Variants in UNC13C observed in about 807,000 individuals in gnomAD.
UNC13C encodes unc-13 homolog C, also known as protein unc-13 homolog C.
UNC13C carries 174 observed loss-of-function variants against 245.4 expected under a neutral mutation model. The observed-to-expected ratio is 0.71, with a 90% CI of 0.63 to 0.80. The LOEUF is 0.80. Ranked by LOEUF, UNC13C falls within the 30% of genes least tolerant of loss-of-function variation. The pLI, the probability that UNC13C is intolerant of heterozygous loss-of-function variation, is 0.00. For synonymous variants in UNC13C, 992 were observed against 895.1 expected, an observed-to-expected ratio of 1.11 and a Z score of -1.93; for missense variants, 2,829 against 2,602.9, an observed-to-expected ratio of 1.09 and a Z score of -1.89.
chr15:54,015,901 A>G lies in UNC13C; in HGVS notation c.2983+15A>G. On this transcript the variant is annotated intron_variant, in intron 2 of 32. Transcript: ENST00000260323. Reference sequence around the variant, plus strand: ...CTTGGCTGGAGGTATTCATGTTTAAATGCTACATTGTGAGCTAATTGTGTT... The same window carrying G: ...CTTGGCTGGAGGTATTCATGTTTAAGTGCTACATTGTGAGCTAATTGTGTT... 2.6e-6 allele frequency: 4 copies of G among 1,542,080 alleles called. No homozygotes were observed. In the South Asian group the frequency reaches 3.8e-5, roughly 15 times the overall value.
chr15:54,580,462 C>T (rs1182976262), intron 30 of UNC13C, among the ~76,000 whole-genome samples: 9 of 152,120 alleles, frequency 5.9e-5, no homozygotes, highest in Non-Finnish European at 8.8e-5. Flanking sequence ...GCAAGAAATG[C>T]GAAAACAGGT....
intron 1 of UNC13C, among the ~76,000 whole-genome samples, chr15:54,010,301 G>A (rs1392621116): frequency 6.6e-6 from 1 of 152,144 alleles, no homozygotes. Context: ...AGATAGGAGA[G>A]GCAGACATGC....
rs117533552 is a variant in UNC13C at position 54,199,619 on chromosome 15, T to A, written c.3072-35411T>A. ...CTTCACAAATGAAAGAAAGATACAG[T>A]CTCTTCCAGACAAACAAATGCTGAC... On this transcript the variant is annotated intron_variant, in intron 4 of 32. Transcript: ENST00000260323. Among the ~76,000 whole-genome samples the A allele has an allele frequency of 6.0e-3, 912 of 152,148 alleles. 51 individuals are homozygous for A. The East Asian group carries it at 0.11, about 18-fold the overall frequency.
chr15:54,191,503 A>G (rs141403905), intron 4 of UNC13C, among the ~76,000 whole-genome samples: 5,496 of 152,316 alleles, frequency 0.036, 143 homozygotes, highest in Non-Finnish European at 0.057. Flanking sequence ...CAGTGCTGCA[A>G]TAAACATACG....
At chr15:54,424,251 A>G (rs2040712063) in intron 19 of UNC13C, among the ~76,000 whole-genome samples, 1 of 151,892 alleles carries the variant, frequency 6.6e-6, no homozygotes, top group Non-Finnish European at 1.5e-5. Flanking sequence ...CGGTAAAAAA[A>G]TCTGTGACTT....
chr15:54,407,935 C>T (rs529534115), intron 18 of UNC13C, among the ~76,000 whole-genome samples: 14 of 152,106 alleles, frequency 9.2e-5, no homozygotes, highest in East Asian at 5.8e-4. Context: ...GGTGCGGTGG[C>T]TCACACCTGT....
chr15:53,985,992 G>C (rs369112663), intron 1 of UNC13C, among the ~76,000 whole-genome samples: 1 of 151,964 alleles, frequency 6.6e-6, no homozygotes, highest in South Asian at 2.1e-4. Flanking sequence ...TGTGGGTCCT[G>C]CTTGATGGCA....
chr15:54,315,838 C>T (rs1412612030), intron 13 of UNC13C, among the ~76,000 whole-genome samples: 1 of 151,780 alleles, frequency 6.6e-6, no homozygotes. Flanking sequence ...TTTTCTCTTC[C>T]CCATCCTGCT....
At position 54,332,121 on chromosome 15, in the gene UNC13C, A is replaced by C. The variant is rs1304329844; in HGVS notation, c.4494+10A>C. The C allele has an allele frequency of 1.3e-6, 2 of 1,530,298 alleles. No homozygotes were observed. Among genetic ancestry groups the C allele is most frequent in the Admixed American group, 2.1e-5 (1 of 47,350 alleles). The allele number at this position is 1,530,298 out of a possible 1,614,324, so 94.8% of individuals were successfully genotyped here. ...TCTGTCAAAGTATAGGGTATGTACA[A>C]ATTTACTTGCCTAAAAGAAAACTGT... On this transcript the variant is annotated intron_variant, in intron 15 of 32. Transcript: ENST00000260323.
At position 54,430,095 on chromosome 15, in the gene UNC13C, C is replaced by T. The variant is rs1369928655; in HGVS notation, c.4933+15028C>T. 5.9e-5 allele frequency among the ~76,000 whole-genome samples: 9 copies of T among 151,604 alleles called. No individual in the cohort carries two copies. The East Asian group carries it at 1.8e-3, about 30-fold the overall frequency. On this transcript the variant is annotated intron_variant, in intron 19 of 32. Coordinates refer to ENST00000260323, the MANE Select transcript of UNC13C (RefSeq NM_001080534.3). ...TACATTCAGCATTTTTTTAATTTAA[C>T]CCTAAGATAACCTCTAATCTAATAG... is the stretch of plus-strand genomic sequence containing the variant.
chr15:53,952,910 T>A, the UNC13C span, among the ~76,000 whole-genome samples: 1 of 152,066 alleles, frequency 6.6e-6, no homozygotes, highest in East Asian at 1.9e-4. Flanking sequence ...AGTGTCTAAT[T>A]TTTTTTTCCC....
rs533773257 is a variant in UNC13C at position 54,573,412 on chromosome 15, G to A, written c.6106+5465G>A. On this transcript the variant is annotated intron_variant, in intron 30 of 32. Transcript: ENST00000260323. ...AGTCTTCTCTCTCTGTTCCAAACAT[G>A]GAAAATAAACAAATCCAAAATGGAT... Among the ~76,000 whole-genome samples the A allele has an allele frequency of 2.0e-3, 298 of 152,254 alleles. 1 individual carries two copies. The highest frequency in any genetic ancestry group is 6.9e-3 in the African/African-American group (287 of 41,544).
the UNC13C span, among the ~76,000 whole-genome samples, chr15:53,861,339 T>C: frequency 6.6e-6 from 1 of 152,182 alleles, no homozygotes; most frequent in African/African-American, 2.4e-5. Flanking sequence ...AAGGATATAA[T>C]TGGAAACTTT....
chr15:54,210,086 G>T (rs889681706), intron 4 of UNC13C, among the ~76,000 whole-genome samples: 2 of 151,146 alleles, frequency 1.3e-5, no homozygotes, highest in Non-Finnish European at 2.9e-5. Flanking sequence ...TACTTGAAAA[G>T]TTATTGTCAG....
intron 7 of UNC13C, among the ~76,000 whole-genome samples, chr15:54,240,901 G>T (rs1176747480): frequency 6.6e-6 from 1 of 152,132 alleles, no homozygotes; most frequent in African/African-American, 2.4e-5. Flanking sequence ...ATATCCATTC[G>T]GTAATTCAAT....
At chr15:54,308,975 C>T (rs926481868) in intron 13 of UNC13C, among the ~76,000 whole-genome samples, 15 of 151,766 alleles carry the variant, frequency 9.9e-5, no homozygotes, top group African/African-American at 1.7e-4. Context: ...TATGGGTGTG[C>T]GGATATTTCT....
rs1021153629 is a variant in UNC13C, at chr15:54,013,534, A to G, written c.631A>G (p.Ser211Gly). The G allele has an allele frequency of 5.0e-6, 8 of 1,613,828 alleles. No homozygotes were observed. Among genetic ancestry groups the G allele is most frequent in the Middle Eastern group, 1.6e-4 (1 of 6,082 alleles). Residue 211 changes from serine (S) to glycine (G), a missense_variant, in exon 2 of 33, where the codon AGT (serine) becomes GGT (glycine). Transcript: ENST00000260323. The stretch of plus-strand genomic sequence containing the variant: ...CATGAAAAAATCCTGGGGAATAAGA[A>G]GTAAGTCTTTGGACAGAACTGTCCG... The part of the protein sequence containing the change: ...STMKKSWGIR[S>G]KSLDRTVRNP...
chr15:54,599,864 C>T (rs1274737468), intron 30 of UNC13C, among the ~76,000 whole-genome samples: 1 of 152,134 alleles, frequency 6.6e-6, no homozygotes, highest in Non-Finnish European at 1.5e-5. Context: ...TCTCCTCACT[C>T]TTCTTTCTCT....
intron 19 of UNC13C, among the ~76,000 whole-genome samples, chr15:54,435,805 G>GTTGCAAA (rs1347262925): frequency 1.3e-5 from 2 of 151,348 alleles, no homozygotes; most frequent in African/African-American, 4.8e-5. Context: ...TACAGAATGG[G>GTTGCAAA]AGAAAACTTT....
Sources: gnomAD v4.1 joint callset for allele counts (sites outside exome capture counted in the v4.1 genomes callset) on GRCh38, gnomAD v4.1.1 for gene constraint, MANE v1.5 for transcripts, NCBI Gene and HGNC (gene_info 2026-07-23, HGNC 2026-07-21) for gene names.